Variants in TEAD1 observed in about 807,000 individuals in gnomAD.
TEAD1 encodes the protein transcriptional enhancer factor TEF-1.
TEAD1 carries 9 observed loss-of-function variants against 54.9 expected under a neutral mutation model. The observed-to-expected ratio is 0.16, with a 90% CI of 0.10 to 0.29. TEAD1 has a LOEUF of 0.29. TEAD1 is among the 10% of genes least tolerant of loss of function. TEAD1 has a pLI of 1.00. For synonymous variants in TEAD1, 200 were observed against 187.8 expected (o/e 1.07, Z -0.53); for missense variants, 387 against 535.9 (o/e 0.72, Z 2.74).
chr11:12,714,264 C>G (rs1239995371), intron 2 of TEAD1, among the ~76,000 whole-genome samples: 1 of 152,134 alleles, frequency 6.6e-6, no homozygotes, highest in East Asian at 1.9e-4. Flanking sequence ...AGGGAGTCTC[C>G]TGGCACAAGG....
chr11:12,799,694 A>T (rs1946009145), intron 3 of TEAD1, among the ~76,000 whole-genome samples: 1 of 152,232 alleles, frequency 6.6e-6, no homozygotes, highest in African/African-American at 2.4e-5. Context: ...CCTTAATGTG[A>T]TTAGTACCTT....
At chr11:12,823,347 G>A (rs1946589431) in intron 3 of TEAD1, 1 of 152,168 alleles carries the variant, frequency 6.6e-6, no homozygotes, top group Non-Finnish European at 1.5e-5. Flanking sequence ...CCACTTCATA[G>A]GTAGTGGTTG....
intron 2 of TEAD1, among the ~76,000 whole-genome samples, chr11:12,680,295 C>T (rs1943189850): frequency 6.6e-6 from 1 of 152,194 alleles, no homozygotes; most frequent in South Asian, 2.1e-4. Flanking sequence ...CTCCAGGAAT[C>T]AATTTTAATT....
At chr11:12,896,662 T>C (rs1234034150) in intron 9 of TEAD1, among the ~76,000 whole-genome samples, 1 of 152,212 alleles carries the variant, frequency 6.6e-6, no homozygotes, top group East Asian at 1.9e-4. Context: ...GCTAATTTAG[T>C]TCATGTGATA....
intron 3 of TEAD1, among the ~76,000 whole-genome samples, chr11:12,824,983 A>C (rs962114919): frequency 1.3e-5 from 2 of 152,122 alleles, no homozygotes; most frequent in African/African-American, 2.4e-5. Context: ...CTATTAGATG[A>C]CATTTTTGAT....
intron 2 of TEAD1, among the ~76,000 whole-genome samples, chr11:12,743,829 A>T (rs1564925427): frequency 6.6e-6 from 1 of 152,218 alleles, no homozygotes; most frequent in African/African-American, 2.4e-5. Flanking sequence ...ACTACACTGC[A>T]GGCCCCTTGA....
At chr11:12,789,512 C>T (rs1482330423) in intron 3 of TEAD1, among the ~76,000 whole-genome samples, 1 of 152,188 alleles carries the variant, frequency 6.6e-6, no homozygotes. Context: ...GTGTGCAAGC[C>T]AGCATCTTTT....
intron 3 of TEAD1, chr11:12,850,960 A>G: frequency 3.3e-6 from 2 of 601,112 alleles, no homozygotes; most frequent in Non-Finnish European, 4.2e-6. Context: ...AAATTGTGCC[A>G]CTTCTCACTG....
At chr11:12,733,744 A>G (rs555484480) in intron 2 of TEAD1, among the ~76,000 whole-genome samples, 1 of 152,358 alleles carries the variant, frequency 6.6e-6, no homozygotes, top group South Asian at 2.1e-4. Context: ...ATGTATGTAC[A>G]TATAGTCTAG....
chr11:12,876,485 T>G (rs1564973216), intron 5 of TEAD1, among the ~76,000 whole-genome samples: 1 of 152,136 alleles, frequency 6.6e-6, no homozygotes, highest in Admixed American at 6.5e-5. Context: ...TACGTGGAAC[T>G]CTTCGGGTCT....
intron 2 of TEAD1, among the ~76,000 whole-genome samples, chr11:12,694,371 A>G (rs956954617): frequency 1.3e-5 from 2 of 151,572 alleles, no homozygotes; most frequent in East Asian, 1.9e-4. Flanking sequence ...TCTTGCTTTT[A>G]CTTGCAGTTT....
At chr11:12,935,126 T>G (rs1167704353) in intron 12 of TEAD1, among the ~76,000 whole-genome samples, 1 of 152,128 alleles carries the variant, frequency 6.6e-6, no homozygotes, top group Non-Finnish European at 1.5e-5. Flanking sequence ...CATCACAAAA[T>G]AAATGAAAAC....
intron 2 of TEAD1, among the ~76,000 whole-genome samples, chr11:12,752,012 C>A (rs192345611): frequency 6.6e-6 from 1 of 152,278 alleles, no homozygotes; most frequent in Non-Finnish European, 1.5e-5. Flanking sequence ...AAAGATCAGT[C>A]TGTGTGACGT....
At chr11:12,905,597 T>C (rs1173802118) in intron 10 of TEAD1, among the ~76,000 whole-genome samples, 1 of 152,260 alleles carries the variant, frequency 6.6e-6, no homozygotes, top group East Asian at 1.9e-4. Flanking sequence ...ACATTTAGAA[T>C]ATCTATCCTT....
intron 3 of TEAD1, among the ~76,000 whole-genome samples, chr11:12,845,713 G>A (rs1077266): frequency 0.022 from 3,288 of 152,288 alleles, 129 homozygotes; most frequent in African/African-American, 0.073. Context: ...CCCTTTTAGC[G>A]GTGGCCTTTT....
intron 3 of TEAD1, among the ~76,000 whole-genome samples, chr11:12,773,541 C>T (rs1240917772): frequency 6.6e-6 from 1 of 152,142 alleles, no homozygotes; most frequent in East Asian, 1.9e-4. Context: ...TTTTCATGTG[C>T]TTATTTGCCA....
Position 12,883,062 on chromosome 11 carries a change from C to T in TEAD1, c.636C>T (p.Gly212=), listed in dbSNP as rs760488759. The T allele has an allele frequency of 1.2e-6, 2 of 1,614,204 alleles. No homozygotes were observed. Among genetic ancestry groups the T allele is most frequent in the Non-Finnish European group, 1.7e-6 (2 of 1,180,044 alleles). ...CTGCCTGGCAAGGTCGCTCCATTGG[C>T]ACAACCAAGCTTCGCCTGGTGGAAT... The change falls in exon 9 of 13, where the codon GGC becomes GGT. Residue 212 remains glycine, a synonymous_variant. Coordinates refer to ENST00000527636, the MANE Select transcript of TEAD1 (RefSeq NM_021961.6).
intron 3 of TEAD1, among the ~76,000 whole-genome samples, chr11:12,856,709 G>C (rs906071664): frequency 3.2e-4 from 48 of 152,290 alleles, no homozygotes; most frequent in African/African-American, 1.1e-3. Flanking sequence ...ACGGGGTGGA[G>C]AATCCTCACA....
At chr11:12,708,083 A>G (rs917281942) in intron 2 of TEAD1, among the ~76,000 whole-genome samples, 1 of 151,126 alleles carries the variant, frequency 6.6e-6, no homozygotes, top group Middle Eastern at 3.4e-3. Flanking sequence ...CTTACAGGAC[A>G]AGAATGATGA....
Sources: gnomAD v4.1 joint callset for allele counts (sites outside exome capture counted in the v4.1 genomes callset) on GRCh38, gnomAD v4.1.1 for gene constraint, MANE v1.5 for transcripts, NCBI Gene and HGNC (gene_info 2026-07-23, HGNC 2026-07-21) for gene names.